COL5A1: variants seen among roughly 807,000 people sequenced by gnomAD.
COL5A1 encodes the protein collagen type V alpha 1 chain.
In COL5A1, 16 loss-of-function variants were observed where a neutral mutation model predicts 263.7. The ratio of observed to expected loss-of-function variants is 0.06; its 90% CI spans 0.04 to 0.09. The LOEUF is 0.09. COL5A1 is among the 10% of genes least tolerant of loss of function. The probability of loss-of-function intolerance (pLI) is 1.00; values close to 1 mark genes in which losing one functional copy is unlikely to be tolerated. For synonymous variants in COL5A1, 1,012 were observed against 1,004.5 expected, an observed-to-expected ratio of 1.01 and a Z score of -0.14; for missense variants, 2,036 against 2,540.5, an observed-to-expected ratio of 0.80 and a Z score of 4.27.
intron 9 of COL5A1, among the ~76,000 whole-genome samples, chr9:134,734,630 G>A (rs574620343): frequency 2.0e-5 from 3 of 152,258 alleles, no homozygotes; most frequent in East Asian, 1.9e-4. Flanking sequence ...ACTCAGTCCC[G>A]CTCCCTCTCA....
At chr9:134,648,303 TA>T (rs1279005207) in intron 1 of COL5A1, among the ~76,000 whole-genome samples, 1 of 98,902 alleles carries the variant, frequency 1.0e-5, no homozygotes, top group African/African-American at 4.2e-5. Context: ...TATATATATA[TA>T]ATATATATAT....
rs185792548 is a variant in COL5A1 at position 134,714,999 on chromosome 9, A to G, written c.655-12267A>G. 1.9e-3 allele frequency among the ~76,000 whole-genome samples: 296 copies of G among 152,070 alleles called. 3 individuals carry two copies. The highest frequency in any genetic ancestry group is 7.0e-3 in the African/African-American group (289 of 41,436). ...TTGGGTGGGACGAGAGACTGAGAAAAGAAAGAGACACAGAGACAAAGTATA... is the reference window on the plus strand; with the variant it reads ...TTGGGTGGGACGAGAGACTGAGAAAGGAAAGAGACACAGAGACAAAGTATA... On this transcript the variant is annotated intron_variant, in intron 4 of 65. Coordinates refer to ENST00000371817, the MANE Select transcript of COL5A1 (RefSeq NM_000093.5).
At chr9:134,753,475 A>G (rs375403270) in intron 14 of COL5A1, among the ~76,000 whole-genome samples, 2 of 152,054 alleles carry the variant, frequency 1.3e-5, no homozygotes, top group East Asian at 3.9e-4. Context: ...GGCCTCCCAC[A>G]TCTGGGGGAT....
chr9:134,802,895 C>A lies in COL5A1; in HGVS notation c.3014C>A (p.Thr1005Lys). 6.2e-7 allele frequency: 1 copy of A among 1,611,718 alleles called. No individual in the cohort carries two copies. Among genetic ancestry groups the A allele is most frequent in the Non-Finnish European group, 8.5e-7 (1 of 1,179,140 alleles). ...CACTGATTTTCCCCACAGGGTCCCACGGGAGAAACGGGCCCAATGGGTGAG... is the reference window on the plus strand; with the variant it reads ...CACTGATTTTCCCCACAGGGTCCCAAGGGAGAAACGGGCCCAATGGGTGAG... The part of the protein sequence containing the change: ...PPGVVGPQGP[T>K]GETGPMGERG... Residue 1005 changes from threonine (T) to lysine (K), a missense_variant, in exon 39 of 66, where the codon ACG (threonine) becomes AAG (lysine). Thr to Lys is a moderately conservative substitution (Grantham distance 78). Coordinates refer to ENST00000371817, the MANE Select transcript of COL5A1 (RefSeq NM_000093.5).
rs1588475947 is a variant in COL5A1 at position 134,727,321 on chromosome 9, G to A, written c.710G>A (p.Cys237Tyr). 6.2e-7 allele frequency: 1 copy of A among 1,614,064 alleles called. No individual in the cohort carries two copies. The highest frequency in any genetic ancestry group is 8.5e-7 in the Non-Finnish European group (1 of 1,179,962). Residue 237 changes from cysteine (C) to tyrosine (Y), a missense_variant, in exon 5 of 66, where the codon TGT becomes TAT. This residue lies in a region of COL5A1 where 600 missense variants were observed against 634.5 expected (regional missense o/e 0.95). Transcript: ENST00000371817. ...VSDHRAAYDYCEHYSPDCDTA... is the reference protein window; with the variant it reads ...VSDHRAAYDYYEHYSPDCDTA... The stretch of plus-strand genomic sequence containing the variant: ...GACCACCGGGCAGCTTATGATTACT[G>A]TGAGCACTACAGCCCTGACTGTGAC...
In COL5A1 at chr9:134,700,199, G is replaced by A; in HGVS notation, c.491+77G>A. The stretch of plus-strand genomic sequence containing the variant: ...CAGCTCATACCACTGACCAGATGTG[G>A]GGCACAGTAGAGGACGTGCAGCAGC... On this transcript the variant is annotated intron_variant, in intron 3 of 65. Transcript: ENST00000371817. The surrounding 1 kb of genome is among the most constrained non-coding windows in gnomAD (Gnocchi z 4.0). 2 of 1,390,876 alleles carry A rather than the reference G, an allele frequency of 1.4e-6. No homozygotes were observed. The highest frequency in any genetic ancestry group is 1.8e-5 in the Admixed American group (1 of 55,736). 86.2% of individuals were successfully genotyped at this position (1,390,876 alleles called of 1,614,324 possible).
At chr9:134,793,971 T>C (rs1019444128) in intron 32 of COL5A1, among the ~76,000 whole-genome samples, 2 of 152,192 alleles carry the variant, frequency 1.3e-5, no homozygotes, top group African/African-American at 4.8e-5. Flanking sequence ...TGAAAGATGA[T>C]GAGCGGAAAC....
chr9:134,746,390 AG>A (rs1482248129), intron 11 of COL5A1, among the ~76,000 whole-genome samples: 1 of 152,182 alleles, frequency 6.6e-6, no homozygotes, highest in African/African-American at 2.4e-5. Flanking sequence ...TGAAGAGAAA[AG>A]GCTCAGAGTT....
chr9:134,677,848 G>T lies in COL5A1; in HGVS notation c.110-13064G>T, dbSNP rs1479170252. ...TGAATAGGCTGCTTTCTCCACAGCTGCCTGGAACGCCCCATGGCATGGTTC... is the reference window on the plus strand; with the variant it reads ...TGAATAGGCTGCTTTCTCCACAGCTTCCTGGAACGCCCCATGGCATGGTTC... On this transcript the variant is annotated intron_variant, in intron 1 of 65. Coordinates refer to ENST00000371817, the MANE Select transcript of COL5A1 (RefSeq NM_000093.5). The surrounding 1 kb of genome is among the most constrained non-coding windows in gnomAD (Gnocchi z 4.4). 1.3e-5 allele frequency among the ~76,000 whole-genome samples: 2 copies of T among 152,236 alleles called. No homozygotes were observed. The highest frequency in any genetic ancestry group is 2.4e-5 in the African/African-American group (1 of 41,470).
At chr9:134,780,186 C>A in intron 28 of COL5A1, 40 bp downstream of exon 28, 1 of 1,604,426 alleles carries the variant, frequency 6.2e-7, no homozygotes, top group Non-Finnish European at 8.5e-7. Flanking sequence ...CCTGCTTAGT[C>A]CGGAGCCGAA....
At chr9:134,695,596 C>G (rs915351268) in intron 2 of COL5A1, among the ~76,000 whole-genome samples, 1 of 152,178 alleles carries the variant, frequency 6.6e-6, no homozygotes, top group African/African-American at 2.4e-5. Flanking sequence ...GCTCCCCACT[C>G]CCCTGTACCC....
Position 134,696,076 on chromosome 9 carries a change from GGC to G in COL5A1, c.278-3832_278-3831del, listed in dbSNP as rs1397956616. ...AACCTCAGCCGCCCCCCAGGTTCCT[GGC>G]CCCCTGTCCAAAGTTAGCCACACCC... On this transcript the variant is annotated intron_variant, in intron 2 of 65. Coordinates refer to ENST00000371817, the MANE Select transcript of COL5A1 (RefSeq NM_000093.5). This position sits in a 1 kb window ranked among gnomAD's most constrained non-coding sequence, Gnocchi z 4.3. Among the ~76,000 whole-genome samples, 1 of 152,056 alleles carries G rather than the reference GGC, an allele frequency of 6.6e-6. No homozygotes were observed. The highest frequency in any genetic ancestry group is 1.5e-5 in the Non-Finnish European group (1 of 67,992).
intron 4 of COL5A1, among the ~76,000 whole-genome samples, chr9:134,720,734 G>C (rs1834421152): frequency 6.6e-6 from 1 of 152,176 alleles, no homozygotes; most frequent in African/African-American, 2.4e-5. Flanking sequence ...GGAGACTGTG[G>C]CTCCCAGGGG....
chr9:134,683,401 T>A (rs538971079), intron 1 of COL5A1, among the ~76,000 whole-genome samples: 3 of 152,302 alleles, frequency 2.0e-5, no homozygotes, highest in African/African-American at 7.2e-5. Context: ...AACTGATAGC[T>A]GAGGAGGCCC....
chr9:134,661,173 G>C (rs1223258342), intron 1 of COL5A1, among the ~76,000 whole-genome samples: 2 of 151,682 alleles, frequency 1.3e-5, no homozygotes, highest in African/African-American at 4.8e-5. Flanking sequence ...GGGGAGTTTG[G>C]TTGGGGAAGT....
rs748589808 is a variant in COL5A1 at position 134,691,088 on chromosome 9, C to T, written c.277+9C>T. On this transcript the variant is annotated intron_variant, in intron 2 of 65. Coordinates refer to ENST00000371817, the MANE Select transcript of COL5A1 (RefSeq NM_000093.5). Reference sequence around the variant, plus strand: ...CAAGCAGCTGTACCCTGGTAAGTGCCGCACCCTTCTGTTTGGGGCGGTGGG... The same window carrying T: ...CAAGCAGCTGTACCCTGGTAAGTGCTGCACCCTTCTGTTTGGGGCGGTGGG... 123 of 1,612,594 alleles carry T rather than the reference C, an allele frequency of 7.6e-5. 1 individual carries two copies. The South Asian group carries it at 1.2e-3, about 15-fold the overall frequency.
intron 53 of COL5A1, 52 bp from the exon 54 acceptor site, chr9:134,817,726 C>T (rs1046772480): frequency 5.1e-6 from 8 of 1,574,126 alleles, no homozygotes; most frequent in South Asian, 2.3e-5. Context: ...GAGCTCGTCC[C>T]TCCACCCCTG....
chr9:134,663,232 G>A (rs1046204936), intron 1 of COL5A1, among the ~76,000 whole-genome samples: 2 of 152,278 alleles, frequency 1.3e-5, no homozygotes, highest in Admixed American at 1.3e-4. Context: ...GACCTGGGCT[G>A]GCCCTGAGGC....
chr9:134,753,984 CA>C, intron 15 of COL5A1, 81 bp downstream of exon 15: 1 of 1,213,664 alleles, frequency 8.2e-7, no homozygotes, highest in Non-Finnish European at 1.2e-6. Context: ...GGAGGGACCC[CA>C]ACTGCTGCAT....
Sources: allele counts gnomAD v4.1 joint callset (sites outside exome capture counted in the v4.1 genomes callset), GRCh38; gene constraint gnomAD v4.1.1; regional missense constraint gnomAD v4.1.1; non-coding constraint Gnocchi (gnomAD v3.1); transcripts MANE v1.5; gene names NCBI Gene and HGNC (gene_info 2026-07-23, HGNC 2026-07-21).